Variants in BCAR3 observed in about 807,000 individuals in gnomAD.
The protein encoded by BCAR3 is breast cancer anti-estrogen resistance protein 3.
A neutral mutation model predicts 80.1 loss-of-function variants in BCAR3; 37 were observed. That is an observed-to-expected ratio of 0.46 (90% CI 0.36 to 0.61). The LOEUF (loss-of-function observed/expected upper bound fraction) is 0.61, where lower values mean the gene tolerates loss of function less well. Among genes scored for constraint, BCAR3 ranks in the 20% least tolerant of loss-of-function variants. The pLI is 0.00. For missense variants in BCAR3, 978 were observed against 1,068.2 expected (o/e 0.92, Z 1.18); for synonymous variants, 389 against 418.9 (o/e 0.93, Z 0.87).
At chr1:93,619,168 G>C (rs892797046) in intron 3 of BCAR3, among the ~76,000 whole-genome samples, 8 of 148,306 alleles carry the variant, frequency 5.4e-5, no homozygotes, top group African/African-American at 2.0e-4. Context: ...GGATGGGCTC[G>C]ATCTCCTGAC....
At chr1:93,588,736 C>A (rs1306479180) in intron 5 of BCAR3, among the ~76,000 whole-genome samples, 2 of 151,898 alleles carry the variant, frequency 1.3e-5, no homozygotes, top group Admixed American at 1.3e-4. Context: ...AGTCTACCCC[C>A]TTCACAAGGT....
At chr1:93,841,124 G>A (rs541352413) in intron 2 of BCAR3, among the ~76,000 whole-genome samples, 10 of 152,314 alleles carry the variant, frequency 6.6e-5, no homozygotes, top group Non-Finnish European at 1.0e-4. Context: ...GAAAATTCTC[G>A]GAGGAGGTGA....
chr1:93,642,856 A>G (rs1186054797), intron 2 of BCAR3, among the ~76,000 whole-genome samples: 1 of 152,220 alleles, frequency 6.6e-6, no homozygotes, highest in South Asian at 2.1e-4. Flanking sequence ...TTCTCTTCTC[A>G]TCGCTGGCTG....
In BCAR3 at chr1:93,642,304, C is replaced by T. The variant is rs770350203; in HGVS notation, c.357G>A (p.Lys119=). The T allele has an allele frequency of 6.2e-7, 1 of 1,613,566 alleles. No homozygotes were observed. Among genetic ancestry groups the T allele is most frequent in the Non-Finnish European group, 8.5e-7 (1 of 1,179,482 alleles). The change falls in exon 3 of 12, where the codon AAG becomes AAA. Residue 119 remains lysine, a splice_region_variant and synonymous_variant. Transcript: ENST00000260502. ...TACATGTTTAATTCTCATTTCCTAC[C>T]TTCACATATTCCACAGTTGGGTCCA... ...HLLDPTVEYV[K]FSKERHIMDR...
At position 93,707,472 on chromosome 1, in the gene BCAR3, G is replaced by A. The variant is rs1449645133; in HGVS notation, c.-62-1330C>T. On this transcript the variant is annotated intron_variant, in intron 2 of 13. Transcript: ENST00000370244. The stretch of plus-strand genomic sequence containing the variant: ...TGCCTGTAATCCCAGCACTTTGGGA[G>A]GCCAAGGTGGGCAGATCACTTGAGG... Among the ~76,000 whole-genome samples the A allele has an allele frequency of 2.0e-5, 3 of 152,244 alleles. 1 individual carries two copies. The highest frequency in any genetic ancestry group is 6.8e-3 in the Middle Eastern group (2 of 294).
At chr1:93,727,574 C>A (rs866242722) in intron 2 of BCAR3, among the ~76,000 whole-genome samples, 11 of 152,176 alleles carry the variant, frequency 7.2e-5, no homozygotes, top group Non-Finnish European at 1.6e-4. Context: ...CCTCCACTCA[C>A]GAGGCAGGTA....
intron 3 of BCAR3, among the ~76,000 whole-genome samples, chr1:93,627,452 C>T (rs973230258): frequency 5.3e-5 from 8 of 152,180 alleles, no homozygotes; most frequent in Non-Finnish European, 1.2e-4. Flanking sequence ...TTAAAATACT[C>T]CTCCCTTTCT....
intron 2 of BCAR3, among the ~76,000 whole-genome samples, chr1:93,776,225 T>C (rs1652540728): frequency 6.6e-6 from 1 of 152,198 alleles, no homozygotes; most frequent in African/African-American, 2.4e-5. Context: ...TGTTAATTCT[T>C]TCTAATTTTA....
At chr1:93,836,712 C>T (rs1654782044) in intron 2 of BCAR3, among the ~76,000 whole-genome samples, 1 of 152,100 alleles carries the variant, frequency 6.6e-6, no homozygotes, top group Non-Finnish European at 1.5e-5. Flanking sequence ...TGCATGTATA[C>T]ATCCAGATGG....
intron 2 of BCAR3, among the ~76,000 whole-genome samples, chr1:93,809,411 G>T (rs1018026382): frequency 3.3e-5 from 5 of 151,746 alleles, no homozygotes; most frequent in Non-Finnish European, 7.4e-5. Context: ...GTGGTGGGGG[G>T]AGTCGTGGGG....
chr1:93,656,866 C>T (rs967413875), intron 2 of BCAR3, among the ~76,000 whole-genome samples: 2 of 152,118 alleles, frequency 1.3e-5, no homozygotes, highest in Non-Finnish European at 1.5e-5. Context: ...CCACTGCACC[C>T]GGCCTCTAAT....
intron 2 of BCAR3, among the ~76,000 whole-genome samples, chr1:93,818,328 C>T (rs953097586): frequency 5.3e-5 from 8 of 152,204 alleles, no homozygotes; most frequent in African/African-American, 1.7e-4. Flanking sequence ...ACACAGCTGA[C>T]GTTAATCTTC....
At chr1:93,744,026 C>A (rs1217274256) in intron 2 of BCAR3, among the ~76,000 whole-genome samples, 2 of 152,178 alleles carry the variant, frequency 1.3e-5, no homozygotes, top group Non-Finnish European at 2.9e-5. Context: ...AGCCTGAGGC[C>A]TGGGAGGCAG....
intron 2 of BCAR3, among the ~76,000 whole-genome samples, chr1:93,725,450 C>T (rs1271576041): frequency 6.6e-6 from 1 of 152,172 alleles, no homozygotes; most frequent in Non-Finnish European, 1.5e-5. Flanking sequence ...TTGTGAAATG[C>T]CTGCTTATGT....
At chr1:93,605,490 T>A (rs775199796) in intron 3 of BCAR3, 3 of 152,268 alleles carry the variant, frequency 2.0e-5, no homozygotes, top group Non-Finnish European at 4.4e-5. Context: ...GTAATAGTAG[T>A]GCTTTCTTAA....
At chr1:93,777,383 C>G (rs1218793395) in intron 2 of BCAR3, among the ~76,000 whole-genome samples, 2 of 137,330 alleles carry the variant, frequency 1.5e-5, no homozygotes, top group African/African-American at 6.5e-5. Flanking sequence ...TCCTCCTCTT[C>G]TTCTTCCTCT....
intron 2 of BCAR3, 27 bp from the exon 3 acceptor site, chr1:93,642,370 A>G (rs1329823864): frequency 1.3e-6 from 2 of 1,595,636 alleles, no homozygotes; most frequent in South Asian, 2.2e-5. Context: ...TAAATATGAG[A>G]ATGGTTGGGA....
intron 2 of BCAR3, among the ~76,000 whole-genome samples, chr1:93,776,370 C>A (rs717914): frequency 0.12 from 17,763 of 152,058 alleles, 1,436 homozygotes; most frequent in African/African-American, 0.22. Flanking sequence ...CTTCCCACCC[C>A]CAAACATGCC....
At chr1:93,658,742 G>A (rs960341744) in intron 2 of BCAR3, among the ~76,000 whole-genome samples, 1 of 152,250 alleles carries the variant, frequency 6.6e-6, no homozygotes, top group African/African-American at 2.4e-5. Flanking sequence ...GCAGGGACTA[G>A]AAGGCTTACA....
Sources: gnomAD v4.1 joint callset for allele counts (sites outside exome capture counted in the v4.1 genomes callset) on GRCh38, gnomAD v4.1.1 for gene constraint, MANE v1.5 for transcripts, NCBI Gene and HGNC (gene_info 2026-07-23, HGNC 2026-07-21) for gene names.